CP: variants seen among roughly 807,000 people sequenced by gnomAD.
CP encodes ceruloplasmin, also known as caeruloplasmin.
Under a neutral mutation model 122.4 loss-of-function variants are expected in CP, and 64 were observed. The ratio of observed to expected loss-of-function variants is 0.52; its 90% CI spans 0.43 to 0.64. CP has a LOEUF of 0.64. Among genes scored for constraint, CP ranks in the 30% least tolerant of loss-of-function variants. CP has a pLI of 0.00. For synonymous variants in CP, 440 were observed against 436.4 expected (o/e 1.01, Z -0.10); for missense variants, 1,167 against 1,284.4 (o/e 0.91, Z 1.40).
intron 17 of CP, 110 bp from the exon 18 acceptor site, chr3:149,176,522 T>TA: frequency 1.1e-6 from 1 of 919,684 alleles, no homozygotes; most frequent in Non-Finnish European, 1.7e-6. Context: ...AATCTGTTTT[T>TA]AAAAAATCGA....
chr3:149,191,963 T>G (rs539957227), intron 9 of CP, among the ~76,000 whole-genome samples: 145 of 152,154 alleles, frequency 9.5e-4, no homozygotes, highest in African/African-American at 3.4e-3. Flanking sequence ...AGCTAAGAGA[T>G]GAATTCTCTC....
chr3:149,188,726 C>A (rs1176464683), intron 9 of CP, among the ~76,000 whole-genome samples: 2 of 152,018 alleles, frequency 1.3e-5, no homozygotes, highest in Non-Finnish European at 2.9e-5. Context: ...CACCTCCTCC[C>A]ACTTCTCCCA....
intron 8 of CP, among the ~76,000 whole-genome samples, chr3:149,199,329 G>A (rs1727134155): frequency 6.6e-6 from 1 of 152,036 alleles, no homozygotes; most frequent in Non-Finnish European, 1.5e-5. Flanking sequence ...AAGAGCGATT[G>A]CTTATAGAAC....
intron 1 of CP, among the ~76,000 whole-genome samples, chr3:149,219,514 A>G (rs1180082028): frequency 6.6e-6 from 1 of 152,184 alleles, no homozygotes; most frequent in African/African-American, 2.4e-5. Context: ...GTTCCCCTGC[A>G]CAAGCTCTTT....
chr3:149,181,976 A>ACCTC, intron 14 of CP, 29 bp downstream of exon 14: 1 of 561,806 alleles, frequency 1.8e-6, no homozygotes, highest in Non-Finnish European at 3.3e-6. Context: ...GTTAAAATGC[A>ACCTC]CCACCCCCAC....
At chr3:149,179,533 A>C (rs1350677334) in intron 15 of CP, 23 bp downstream of exon 15, 1 of 1,577,670 alleles carries the variant, frequency 6.3e-7, no homozygotes, top group East Asian at 2.2e-5. Context: ...GAAGTGTCAC[A>C]AAACAAATGA....
In CP at chr3:149,210,273, A is replaced by G. The variant is rs1359878969; in HGVS notation, c.501T>C (p.Pro167=). ...YMLLATEEQS[P]GEGDGNCVTR... ...TCACACAATTGCCATCTCCTTCCCC[A>G]GGACTTTGTTCTTCAGTGGCAAGCA... The change falls in exon 3 of 19, where the codon CCT becomes CCC. Residue 167 remains proline (P), a synonymous_variant. Coordinates refer to ENST00000264613, the MANE Select transcript of CP (RefSeq NM_000096.4). 1.2e-6 allele frequency: 2 copies of G among 1,613,962 alleles called. No individual in the cohort carries two copies. Among genetic ancestry groups the G allele is most frequent in the East Asian group, 2.2e-5 (1 of 44,884 alleles).
downstream of CP, among the ~76,000 whole-genome samples, chr3:149,168,792 T>C (rs1297541819): frequency 1.3e-5 from 2 of 152,210 alleles, no homozygotes; most frequent in African/African-American, 4.8e-5. Flanking sequence ...AAGTGTCAGA[T>C]GTCTGATTAC....
intron 18 of CP, among the ~76,000 whole-genome samples, chr3:149,175,493 C>T (rs1482518697): frequency 6.6e-6 from 1 of 151,818 alleles, no homozygotes; most frequent in Non-Finnish European, 1.5e-5. Flanking sequence ...CCCTTTTTCC[C>T]CATTTTAGGG....
intron 18 of CP, chr3:149,175,922 C>T (rs561386501): frequency 1.8e-5 from 4 of 218,126 alleles, no homozygotes; most frequent in Admixed American, 1.6e-4. Context: ...AAATTAGATT[C>T]TAAATGTGTC....
In CP at chr3:149,199,123, G is replaced by A. The variant is rs185643293; in HGVS notation, c.1502-545C>T. 6.2e-4 allele frequency among the ~76,000 whole-genome samples: 94 copies of A among 152,202 alleles called. 1 individual carries two copies. The highest frequency in any genetic ancestry group is 2.2e-3 in the African/African-American group (93 of 41,524). On this transcript the variant is annotated intron_variant, in intron 8 of 18. Coordinates refer to ENST00000264613, the MANE Select transcript of CP (RefSeq NM_000096.4). ...CTAGTCTTCACTGGTCCTTCTTGAT[G>A]TGTAAAAATAGTCAAAAAATCCACA...
Position 149,188,096 on chromosome 3 carries a change from A to G in CP, c.1820T>C (p.Val607Ala), listed in dbSNP as rs2640038. 1 of 1,612,264 alleles carries G rather than the reference A, an allele frequency of 6.2e-7. No homozygotes were observed. The highest frequency in any genetic ancestry group is 8.5e-7 in the Non-Finnish European group (1 of 1,179,862). ...CTGAAAGTCTTCATCTTCCTTATCC[A>G]CCTGATCAGGTGCAGTTGTAAACAT... ...IRMFTTAPDQVDKEDEDFQES... is the reference protein window; with the variant it reads ...IRMFTTAPDQADKEDEDFQES... The change falls in exon 10 of 19, where the codon GTG becomes GCG. Residue 607 changes from valine (V) to alanine (A), a missense_variant. Val to Ala is a moderately conservative substitution (Grantham distance 64). This residue lies in a region of CP where 525 missense variants were observed against 657.2 expected (regional missense o/e 0.80). Transcript: ENST00000264613.
rs1188217750 is a variant in CP at position 149,178,437 on chromosome 3, G to T, written c.2856C>A (p.Phe952Leu). Reference sequence around the variant, plus strand: ...TACCATGCATTTTATTGCTTTCTATGAATTCCTCATCATCTTTGTTTACTT... The same window carrying T: ...TACCATGCATTTTATTGCTTTCTATTAATTCCTCATCATCTTTGTTTACTT... ...PEKVNKDDEE[F>L]IESNKMHAIN... Residue 952 changes from phenylalanine (F) to leucine (L), a missense_variant, in exon 16 of 19, where the codon TTC becomes TTA. Physicochemically the swap from Phe to Leu is conservative, Grantham distance 22. Around this residue, in one of 2 missense-constraint regions of CP, gnomAD observed 525 missense variants for 657.2 expected, o/e 0.80. Transcript: ENST00000264613. The T allele has an allele frequency of 6.2e-7, 1 of 1,609,980 alleles. No individual in the cohort carries two copies. Among genetic ancestry groups the T allele is most frequent in the Non-Finnish European group, 8.5e-7 (1 of 1,176,518 alleles).
At position 149,207,608 on chromosome 3, in the gene CP, C is replaced by T. The variant is rs765086883; in HGVS notation, c.791G>A (p.Gly264Glu). The T allele has an allele frequency of 6.2e-7, 1 of 1,613,750 alleles. No homozygotes were observed. The change falls in exon 5 of 19, where the codon GGA (glycine) becomes GAA (glutamate). Residue 264 changes from glycine (G) to glutamate (E), a missense_variant. Gly to Glu is a moderately conservative substitution (Grantham distance 98). Coordinates refer to ENST00000264613, the MANE Select transcript of CP (RefSeq NM_000096.4). ...TCCTGGGAGACTTCCAAAAGTGTAT[C>T]CATTCACAGCTGTAAGTCAAGAGCA... ...QESNRMYSVN[G>E]YTFGSLPGLS... is the part of the protein sequence containing the mutation.
chr3:149,221,704 T>C lies in CP; in HGVS notation c.89A>G (p.Glu30Gly). The stretch of plus-strand genomic sequence containing the variant: ...GTCAGAGGCATAATCCCAAGTCGTT[T>C]CAATAATTCCAATGTAATAATGCTT... ...KEKHYYIGII[E>G]TTWDYASDHG... is the part of the protein sequence containing the mutation. The change falls in exon 1 of 19, where the codon GAA (glutamate) becomes GGA (glycine). Residue 30 changes from glutamate (E) to glycine (G), a missense_variant. Physicochemically the swap from Glu to Gly is moderately conservative, Grantham distance 98 (BLOSUM62 -2). Around this residue, in one of 2 missense-constraint regions of CP, gnomAD observed 642 missense variants for 627.3 expected, o/e 1.02. Transcript: ENST00000264613. 1 of 1,613,288 alleles carries C rather than the reference T, an allele frequency of 6.2e-7. No individual in the cohort carries two copies. The highest frequency in any genetic ancestry group is 8.5e-7 in the Non-Finnish European group (1 of 1,179,718).
chr3:149,196,504 C>A (rs1280560531), intron 9 of CP, among the ~76,000 whole-genome samples: 1 of 152,026 alleles, frequency 6.6e-6, no homozygotes, highest in Non-Finnish European at 1.5e-5. Context: ...CTTTTGGGAA[C>A]AAATGGTTAG....
rs201599525 is a variant in CP, at chr3:149,212,646, A to G, written c.199T>C (p.Tyr67His). ...TACTGAAGATAAAGGGCCTTCTTAT[A>G]TAGTCTCCCAATTCTATCTGGGCCA... Reference protein sequence around the residue: ...QNGPDRIGRLYKKALYLQYTD... With the variant: ...QNGPDRIGRLHKKALYLQYTD... The change falls in exon 2 of 19, where the codon TAT becomes CAT. Residue 67 changes from tyrosine to histidine, a missense_variant. Tyr to His is a moderately conservative substitution (Grantham distance 83). Coordinates refer to ENST00000264613, the MANE Select transcript of CP (RefSeq NM_000096.4). 3.0e-5 allele frequency: 48 copies of G among 1,613,762 alleles called. No homozygotes were observed. The highest frequency in any genetic ancestry group is 4.5e-5 in the East Asian group (2 of 44,852).
intron 10 of CP, 77 bp downstream of exon 10, chr3:149,187,975 A>G (rs1191485340): frequency 2.7e-6 from 4 of 1,478,182 alleles, no homozygotes; most frequent in African/African-American, 1.4e-5. Flanking sequence ...AAAGCTCTTC[A>G]CATTTTGTTT....
intron 9 of CP, among the ~76,000 whole-genome samples, chr3:149,191,178 T>C (rs1026238483): frequency 1.2e-4 from 19 of 152,016 alleles, no homozygotes; most frequent in African/African-American, 4.6e-4. Context: ...GAAATTTAGG[T>C]ATCACATTAA....
Sources: gnomAD v4.1 joint callset for allele counts (sites outside exome capture counted in the v4.1 genomes callset) on GRCh38, gnomAD v4.1.1 for gene constraint, gnomAD v4.1.1 regional missense constraint, MANE v1.5 for transcripts, NCBI Gene and HGNC (gene_info 2026-07-23, HGNC 2026-07-21) for gene names.